The following RIMS1 variants were observed in gnomAD, a reference collection of about 807,000 sequenced individuals.
The protein encoded by RIMS1 is regulating synaptic membrane exocytosis protein 1.
A neutral mutation model predicts 214.1 loss-of-function variants in RIMS1; 83 were observed. The ratio of observed to expected loss-of-function variants is 0.39; its 90% CI spans 0.32 to 0.47. RIMS1 has a LOEUF of 0.47. Ranked by LOEUF, RIMS1 falls within the 20% of genes least tolerant of loss-of-function variation. The pLI is 0.99. For missense variants in RIMS1, 2,050 were observed against 2,161.8 expected, an observed-to-expected ratio of 0.95 and a Z score of 1.03; for synonymous variants, 793 against 786.8, an observed-to-expected ratio of 1.01 and a Z score of -0.13.
At chr6:72,389,050 G>C (rs1437170254) in intron 29 of RIMS1, among the ~76,000 whole-genome samples, 1 of 152,176 alleles carries the variant, frequency 6.6e-6, no homozygotes, top group African/African-American at 2.4e-5. Flanking sequence ...CACCTAGGAA[G>C]TAAGTGTAGA....
chr6:72,402,605 C>T lies in RIMS1; in HGVS notation c.*1891C>T, dbSNP rs2098841436. ...TCCACAGGGCACAGATTGACCACTG[C>T]TCACCATGCTGAGTAGGAGGAACTG... On this transcript the variant is annotated 3_prime_UTR_variant, in exon 34 of 34. Transcript: ENST00000521978. 1 of 152,578 alleles carries T rather than the reference C, an allele frequency of 6.6e-6. No homozygotes were observed. Among genetic ancestry groups the T allele is most frequent in the Non-Finnish European group, 1.5e-5 (1 of 68,026 alleles). The allele number at this position is 152,578 out of a possible 1,614,324, so 9.5% of individuals were successfully genotyped here. A position where few individuals can be genotyped will look rare whatever the true frequency, so the allele number is the denominator to read the frequency against.
chr6:72,011,534 G>C (rs1169870190), intron 2 of RIMS1, among the ~76,000 whole-genome samples: 1 of 152,114 alleles, frequency 6.6e-6, no homozygotes, highest in Non-Finnish European at 1.5e-5. Context: ...CCATCAGAGT[G>C]AACAGGCAAC....
intron 1 of RIMS1, among the ~76,000 whole-genome samples, chr6:71,929,149 A>G (rs570004197): frequency 6.6e-6 from 1 of 152,192 alleles, no homozygotes; most frequent in East Asian, 1.9e-4. Context: ...TCATTATTTA[A>G]TTCATGTTTC....
chr6:72,169,775 G>A (rs749373241), intron 4 of RIMS1, among the ~76,000 whole-genome samples: 6 of 152,158 alleles, frequency 3.9e-5, no homozygotes, highest in South Asian at 2.1e-4. Flanking sequence ...TTAGCTGAGC[G>A]TGGTGCCTGC....
chr6:71,970,356 GT>G (rs1192449251), intron 2 of RIMS1, among the ~76,000 whole-genome samples: 4 of 152,068 alleles, frequency 2.6e-5, no homozygotes, highest in Admixed American at 1.3e-4. Context: ...TACATCCCCA[GT>G]TTTCATCTTA....
chr6:72,168,642 G>C (rs1230691403), intron 4 of RIMS1, among the ~76,000 whole-genome samples: 1 of 149,350 alleles, frequency 6.7e-6, no homozygotes, highest in African/African-American at 2.5e-5. Flanking sequence ...CTGTCATTTT[G>C]TCTCATAGTG....
In RIMS1 at chr6:72,213,186, G is replaced by A. The variant is rs181193740; in HGVS notation, c.1679-20587G>A. 2.3e-4 allele frequency: 347 copies of A among 1,536,608 alleles called. No individual in the cohort carries two copies. The African/African-American group carries it at 3.8e-3, about 17-fold the overall frequency. ...GGAAGAAGTGAGGTCTGTTGATTCC[G>A]AAGAGGGAACAATTGAAGCTCGACG... is the stretch of plus-strand genomic sequence containing the variant. On this transcript the variant is annotated intron_variant, in intron 6 of 33. Transcript: ENST00000521978.
rs571513711 is a variant in RIMS1 at position 72,384,773 on chromosome 6, A to T, written c.4367-5825A>T. On this transcript the variant is annotated intron_variant, in intron 29 of 33. Transcript: ENST00000521978. ...CCTTGACCTGTTTCTCATGGTCCTA[A>T]CTTAAAAATACATGTTTACTGTATT... 1.3e-5 allele frequency among the ~76,000 whole-genome samples: 2 copies of T among 152,256 alleles called. 1 individual carries two copies. The highest frequency in any genetic ancestry group is 4.8e-5 in the African/African-American group (2 of 41,534).
chr6:72,347,407 C>T (rs2097302914), intron 29 of RIMS1, among the ~76,000 whole-genome samples: 1 of 151,800 alleles, frequency 6.6e-6, no homozygotes, highest in Non-Finnish European at 1.5e-5. Context: ...GCCACTCAGT[C>T]CCCCTCACTG....
Position 72,179,584 on chromosome 6 carries a change from G to A in RIMS1, c.481G>A (p.Val161Ile), listed in dbSNP as rs2048169801. The A allele has an allele frequency of 6.2e-7, 1 of 1,612,824 alleles. No individual in the cohort carries two copies. Among genetic ancestry groups the A allele is most frequent in the African/African-American group, 1.3e-5 (1 of 74,864 alleles). ...TTTCTTCTTCAAATAGGTTATGTGG[G>A]TATGCAATTTATGTCGAAAGCAACA... ...SNNEDKVVMW[V>I]CNLCRKQQEI... The change falls in exon 5 of 34, where the codon GTA becomes ATA. Residue 161 changes from valine (V) to isoleucine (I), a missense_variant. By Grantham distance (29) the Val-to-Ile change is conservative (BLOSUM62 3). Coordinates refer to ENST00000521978, the MANE Select transcript of RIMS1 (RefSeq NM_014989.7).
At chr6:71,940,600 A>G (rs1785776078) in intron 1 of RIMS1, among the ~76,000 whole-genome samples, 1 of 152,190 alleles carries the variant, frequency 6.6e-6, no homozygotes, top group African/African-American at 2.4e-5. Context: ...AAGGGTTAAA[A>G]CTATTGCAAT....
intron 27 of RIMS1, among the ~76,000 whole-genome samples, chr6:72,309,393 GTAAT>G (rs2095398628): frequency 6.6e-6 from 1 of 152,036 alleles, no homozygotes; most frequent in Non-Finnish European, 1.5e-5. Context: ...AATGAAAGAG[GTAAT>G]TAATTAAAAT....
At chr6:72,097,235 A>G (rs1586877024) in intron 3 of RIMS1, 73 bp downstream of exon 3, 2 of 1,302,964 alleles carry the variant, frequency 1.5e-6, no homozygotes, top group East Asian at 4.6e-5. Context: ...ACATGAGAAC[A>G]CGTGCATCTT....
intron 1 of RIMS1, among the ~76,000 whole-genome samples, chr6:71,932,047 A>G (rs1783198897): frequency 1.3e-5 from 2 of 152,126 alleles, no homozygotes; most frequent in South Asian, 4.1e-4. Context: ...AATTAGTTCA[A>G]CCATTGTGGA....
intron 4 of RIMS1, among the ~76,000 whole-genome samples, chr6:72,153,533 T>C (rs890294868): frequency 1.3e-5 from 2 of 152,136 alleles, no homozygotes; most frequent in Admixed American, 6.5e-5. Context: ...CTATTAGCTC[T>C]AAAAATACTG....
At position 71,951,966 on chromosome 6, in the gene RIMS1, T is replaced by G. The variant is rs566922419; in HGVS notation, c.165-17017T>G. ...AAAATTGGACAATTGAATGTGGATG[T>G]GAGGTTGTCATGCTTTCTCCACCCA... On this transcript the variant is annotated intron_variant, in intron 1 of 33. Coordinates refer to ENST00000521978, the MANE Select transcript of RIMS1 (RefSeq NM_014989.7). 7.2e-5 allele frequency among the ~76,000 whole-genome samples: 11 copies of G among 152,294 alleles called. No homozygotes were observed. In the East Asian group the frequency reaches 2.1e-3, roughly 29 times the overall value.
At chr6:72,216,597 G>A (rs374736342) in intron 6 of RIMS1, 1 of 985,442 alleles carries the variant, frequency 1.0e-6, no homozygotes, top group Non-Finnish European at 1.2e-6. Context: ...GGGCTTGGCA[G>A]GACCATTGCC....
intron 4 of RIMS1, among the ~76,000 whole-genome samples, chr6:72,131,376 C>G (rs554464999): frequency 1.3e-5 from 2 of 152,224 alleles, no homozygotes; most frequent in African/African-American, 4.8e-5. Context: ...TCTGTTTTCC[C>G]TAAGTGTCGG....
chr6:72,298,386 C>T (rs528531122), intron 26 of RIMS1, among the ~76,000 whole-genome samples: 1 of 151,992 alleles, frequency 6.6e-6, no homozygotes, highest in South Asian at 2.1e-4. Context: ...AGGTTAAAAA[C>T]TTGGCCCCTT....
Sources: allele counts gnomAD v4.1 joint callset (sites outside exome capture counted in the v4.1 genomes callset), GRCh38; gene constraint gnomAD v4.1.1; transcripts MANE v1.5; gene names NCBI Gene and HGNC (gene_info 2026-07-23, HGNC 2026-07-21).